Variants in RMND1 observed in about 807,000 individuals in gnomAD.
RMND1 encodes the protein required for meiotic nuclear division protein 1 homolog.
Under a neutral mutation model 54.0 loss-of-function variants are expected in RMND1, and 41 were observed. The ratio of observed to expected loss-of-function variants is 0.76; its 90% CI spans 0.59 to 0.98. The LOEUF is 0.98. Among genes scored for constraint, RMND1 ranks in the 50% least tolerant of loss-of-function variants. The probability of loss-of-function intolerance (pLI) is 0.00; values close to 1 mark genes in which losing one functional copy is unlikely to be tolerated. For missense variants in RMND1, 457 were observed against 532.0 expected (o/e 0.86, Z 1.39); for synonymous variants, 183 against 181.7 (o/e 1.01, Z -0.06).
chr6:151,405,028 C>G lies in RMND1; in HGVS notation c.*207G>C, dbSNP rs906585436. On this transcript the variant is annotated 3_prime_UTR_variant, in exon 12 of 12. Transcript: ENST00000444024. ...AGATGACGGGCGTGTGCCAACACAC[C>G]TGGCTAATTTTGGTATTTTTAGTAG... is the stretch of plus-strand genomic sequence containing the variant. The G allele has an allele frequency of 2.0e-6, 1 of 495,770 alleles. No individual in the cohort carries two copies. Among genetic ancestry groups the G allele is most frequent in the African/African-American group, 2.0e-5 (1 of 49,306 alleles). The allele number at this position is 495,770 out of a possible 1,614,324, so 30.7% of individuals were successfully genotyped here. A position where few individuals can be genotyped will look rare whatever the true frequency, so the allele number is the denominator to read the frequency against.
At chr6:151,444,083 G>A (rs191235380) in intron 2 of RMND1, among the ~76,000 whole-genome samples, 80 of 152,324 alleles carry the variant, frequency 5.3e-4, no homozygotes, top group Non-Finnish European at 1.0e-3. Flanking sequence ...TAGGAAAATT[G>A]CTTCCAAGTC....
rs936571707 is a variant in RMND1, at chr6:151,452,025, GGAAGA to G, written c.-29_-25del. ...AAGGCAATACACTAACCTCTCCGCC[GGAAGA>G]GAAGAAGGAAGCGCCAGGGACGCAC... On this transcript the variant is annotated 5_prime_UTR_variant, in exon 1 of 12. Coordinates refer to ENST00000444024, the MANE Select transcript of RMND1 (RefSeq NM_017909.4). 1.0e-3 allele frequency: 160 copies of G among 160,694 alleles called. No homozygotes were observed. Among genetic ancestry groups the G allele is most frequent in the African/African-American group, 3.6e-3 (151 of 41,618 alleles). The allele number at this position is 160,694 out of a possible 1,614,324, so 10.0% of individuals were successfully genotyped here.
chr6:151,405,767 T>G lies in RMND1; in HGVS notation c.1270A>C (p.Arg424=), dbSNP rs747587616. The change falls in exon 11 of 12, where the codon AGG becomes CGG. Residue 424 remains arginine, a synonymous_variant. Coordinates refer to ENST00000444024, the MANE Select transcript of RMND1 (RefSeq NM_017909.4). The part of the protein sequence containing the change: ...DLMRNHLNEK[R]ALRLEWMIVI... The stretch of plus-strand genomic sequence containing the variant: ...ATCATCCACTCCAAGCGGAGTGCCC[T>G]CTTCTCATTCAGGTGATTCCGCATT... 6.0e-5 allele frequency: 97 copies of G among 1,610,914 alleles called. No homozygotes were observed. The highest frequency in any genetic ancestry group is 7.4e-5 in the Non-Finnish European group (87 of 1,177,284).
chr6:151,431,139 C>T (rs1199431771), intron 4 of RMND1, among the ~76,000 whole-genome samples: 1 of 151,974 alleles, frequency 6.6e-6, no homozygotes, highest in Non-Finnish European at 1.5e-5. Flanking sequence ...AATGAGAAAA[C>T]AAGAGGAGAC....
chr6:151,446,386 T>C (rs1780953817), intron 1 of RMND1, among the ~76,000 whole-genome samples: 1 of 151,024 alleles, frequency 6.6e-6, no homozygotes, highest in Non-Finnish European at 1.5e-5. Context: ...TGAGTCATGA[T>C]TGTACCACTG....
intron 5 of RMND1, 61 bp from the exon 6 acceptor site, chr6:151,427,643 T>C (rs537653218): frequency 2.1e-5 from 22 of 1,043,972 alleles, no homozygotes; most frequent in South Asian, 2.1e-4. Context: ...AAGTATGTTA[T>C]GATTTTAATG....
rs377553337 is a variant in RMND1, at chr6:151,433,294, T to C, written c.614-64A>G. The C allele has an allele frequency of 5.0e-4, 501 of 993,740 alleles. 4 individuals carry two copies. The African/African-American group carries it at 7.6e-3, about 15-fold the overall frequency. The allele number at this position is 993,740 out of a possible 1,614,324, so 61.6% of individuals were successfully genotyped here. ...GGTAACACAAGTTGTAAGAGTCACC[T>C]ATAAACACTGTAATAAAGTACTTAA... is the stretch of plus-strand genomic sequence containing the variant. On this transcript the variant is annotated intron_variant, in intron 3 of 11. Transcript: ENST00000444024.
intron 7 of RMND1, 58 bp from the exon 8 acceptor site, chr6:151,422,663 A>T: frequency 6.4e-6 from 5 of 777,804 alleles, no homozygotes; most frequent in Non-Finnish European, 1.0e-5. Flanking sequence ...ATGTATATAA[A>T]ATACATAATT....
chr6:151,432,993 T>C (rs1472210694), intron 4 of RMND1, among the ~76,000 whole-genome samples, 162 bp downstream of exon 4: 1 of 152,164 alleles, frequency 6.6e-6, no homozygotes, highest in Non-Finnish European at 1.5e-5. Context: ...TTCCTAAAAG[T>C]GACAAACTCT....
chr6:151,419,753 G>C (rs1780106543), intron 9 of RMND1, among the ~76,000 whole-genome samples: 1 of 147,622 alleles, frequency 6.8e-6, no homozygotes, highest in South Asian at 2.2e-4. Flanking sequence ...GAAGGATTCA[G>C]AAAAATGGTA....
At chr6:151,449,666 C>T (rs1781071595) in intron 1 of RMND1, among the ~76,000 whole-genome samples, 1 of 151,458 alleles carries the variant, frequency 6.6e-6, no homozygotes, top group Admixed American at 6.6e-5. Context: ...TCCCCACGGT[C>T]CCCCTCTCCC....
chr6:151,407,163 A>C (rs75630253), intron 10 of RMND1, among the ~76,000 whole-genome samples: 2,636 of 151,934 alleles, frequency 0.017, 72 homozygotes, highest in African/African-American at 0.061. Context: ...CCAAAAAAAA[A>C]CTGTCTTACT....
chr6:151,428,425 A>G (rs202130391), intron 5 of RMND1, among the ~76,000 whole-genome samples: 133 of 152,088 alleles, frequency 8.7e-4, no homozygotes, highest in Middle Eastern at 3.4e-3. Flanking sequence ...AATTTTTTCT[A>G]CTCTCCATTA....
Position 151,405,160 on chromosome 6 carries a change from G to A in RMND1, c.*75C>T, listed in dbSNP as rs903807775. 2.2e-5 allele frequency: 31 copies of A among 1,385,862 alleles called. No homozygotes were observed. In the East Asian group the frequency reaches 3.7e-4, roughly 17 times the overall value. The allele number at this position is 1,385,862 out of a possible 1,614,324, so 85.8% of individuals were successfully genotyped here. ...GCTGGGATTACAGGCATGAGGCACC[G>A]CGCCGGGCCGAACATTTAATTTTTG... is the stretch of plus-strand genomic sequence containing the variant. On this transcript the variant is annotated 3_prime_UTR_variant, in exon 12 of 12. Transcript: ENST00000444024.
chr6:151,422,418 T>G (rs540429802), intron 8 of RMND1, 123 bp downstream of exon 8: 1 of 491,862 alleles, frequency 2.0e-6, no homozygotes, highest in Non-Finnish European at 3.6e-6. Flanking sequence ...TGGTATCCAG[T>G]GGGGTCTTGG....
chr6:151,449,782 G>A (rs1372041956), intron 1 of RMND1, among the ~76,000 whole-genome samples: 1 of 152,236 alleles, frequency 6.6e-6, no homozygotes, highest in Non-Finnish European at 1.5e-5. Flanking sequence ...CCGAGTGCCT[G>A]CGATTACAGG....
chr6:151,422,572 T>G lies in RMND1; in HGVS notation c.971A>C (p.Lys324Thr), dbSNP rs746355833. 3.2e-6 allele frequency: 5 copies of G among 1,543,506 alleles called. No individual in the cohort carries two copies. Among genetic ancestry groups the G allele is most frequent in the Non-Finnish European group, 4.4e-6 (5 of 1,136,612 alleles). Residue 324 changes from lysine (K) to threonine (T), a missense_variant, in exon 8 of 12, where the codon AAA becomes ACA. Transcript: ENST00000444024. ...AATTGACTGAATAGATTCAATAAAT[T>G]TATCCAGTGATGCTTCCCAAATTGC... is the stretch of plus-strand genomic sequence containing the variant. The part of the protein sequence containing the change: ...KLAIWEASLD[K>T]FIESIQSIPE...
chr6:151,433,700 TA>T (rs1296263877), intron 3 of RMND1, among the ~76,000 whole-genome samples: 2 of 152,140 alleles, frequency 1.3e-5, no homozygotes, highest in Non-Finnish European at 2.9e-5. Context: ...TTTTAAAGTA[TA>T]AAAAGTAGGG....
chr6:151,433,282 G>A (rs764976600), intron 3 of RMND1, 52 bp from the exon 4 acceptor site: 1 of 1,203,882 alleles, frequency 8.3e-7, no homozygotes, highest in South Asian at 1.2e-5. Flanking sequence ...AACACAAGTT[G>A]TAAGAGTCAC....
Sources: gnomAD v4.1 joint callset for allele counts (sites outside exome capture counted in the v4.1 genomes callset) on GRCh38, gnomAD v4.1.1 for gene constraint, MANE v1.5 for transcripts, NCBI Gene and HGNC (gene_info 2026-07-23, HGNC 2026-07-21) for gene names.